AFF2: variants seen among roughly 807,000 people sequenced by gnomAD.
AFF2 encodes the protein ALF transcription elongation factor 2, also known as AF4/FMR2 family member 2.
A neutral mutation model predicts 76.9 loss-of-function variants in AFF2; 14 were observed. That is an observed-to-expected ratio of 0.18 (90% CI 0.12 to 0.28). The LOEUF is 0.28. AFF2 is among the 10% of genes least tolerant of loss of function. AFF2 has a pLI of 1.00. For missense variants in AFF2, 868 were observed against 1,001.1 expected (o/e 0.87, Z 1.79); for synonymous variants, 398 against 366.7 (o/e 1.09, Z -0.98).
intron 1 of AFF2, among the ~76,000 whole-genome samples, chrX:148,514,487 T>C (rs1304324529): frequency 8.9e-6 from 1 of 112,647 alleles, no homozygotes; most frequent in Non-Finnish European, 1.9e-5. Context: ...AGTTCTGATA[T>C]GGCTTTATTC....
intron 3 of AFF2, among the ~76,000 whole-genome samples, chrX:148,769,192 G>A (rs1323225162): frequency 2.7e-5 from 3 of 111,444 alleles, no homozygotes; most frequent in African/African-American, 9.8e-5. Flanking sequence ...AAGTACATTA[G>A]AATTTTTATT....
chrX:148,866,883 G>A (rs1234943849), intron 7 of AFF2, among the ~76,000 whole-genome samples: 1 of 112,071 alleles, frequency 8.9e-6, no homozygotes, highest in Non-Finnish European at 1.9e-5. Flanking sequence ...TGAAGAGCTG[G>A]AGAGGCTCTT....
chrX:148,783,459 A>C (rs2069770770), intron 3 of AFF2, among the ~76,000 whole-genome samples: 1 of 112,085 alleles, frequency 8.9e-6, no homozygotes, highest in Admixed American at 9.4e-5. Flanking sequence ...TACAAGTGTT[A>C]ATCTCCTTTT....
At chrX:148,879,733 G>A (rs782672608) in intron 7 of AFF2, among the ~76,000 whole-genome samples, 7 of 105,458 alleles carry the variant, frequency 6.6e-5, no homozygotes, top group East Asian at 6.1e-4. Context: ...TTTATGTGTC[G>A]TGAAATATTA....
chrX:148,893,733 C>CCA lies in AFF2; in HGVS notation c.1359+7751_1359+7752dup, dbSNP rs782819151. On this transcript the variant is annotated intron_variant, in intron 8 of 20. Transcript: ENST00000370460. Reference sequence around the variant, plus strand: ...TAATGCTCATATGTGACAGGGATGACCACAGCCTTTTCACCCACAAAGAGC... The same window carrying CCA: ...TAATGCTCATATGTGACAGGGATGACCACACAGCCTTTTCACCCACAAAGAGC... Among the ~76,000 whole-genome samples the CCA allele has an allele frequency of 9.7e-4, 108 of 111,898 alleles. No homozygotes were observed. In the East Asian group the frequency reaches 0.016, roughly 16 times the overall value.
At chrX:148,676,693 T>C (rs1245729442) in intron 3 of AFF2, among the ~76,000 whole-genome samples, 1 of 111,826 alleles carries the variant, frequency 8.9e-6, no homozygotes, top group African/African-American at 3.3e-5. Flanking sequence ...TCTTGGAGTA[T>C]GATTGGAAGT....
At chrX:148,975,716 G>A (rs900716038) in intron 16 of AFF2, among the ~76,000 whole-genome samples, 15 of 107,331 alleles carry the variant, frequency 1.4e-4, no homozygotes, top group Admixed American at 3.1e-4. Context: ...AGGCCGAGGC[G>A]GGCGGATCAC....
intron 3 of AFF2, among the ~76,000 whole-genome samples, chrX:148,677,627 C>T (rs1012242176): frequency 2.7e-5 from 3 of 112,005 alleles, no homozygotes; most frequent in Non-Finnish European, 5.6e-5. Context: ...AACACATTAC[C>T]AGTTGAATTT....
At chrX:148,781,746 T>C (rs782056603) in intron 3 of AFF2, among the ~76,000 whole-genome samples, 15 of 111,098 alleles carry the variant, frequency 1.4e-4, no homozygotes, top group Non-Finnish European at 2.6e-4. Context: ...CACTGGGATA[T>C]GAAGAAAAAG....
intron 1 of AFF2, among the ~76,000 whole-genome samples, chrX:148,554,880 G>T (rs1470417243): frequency 8.9e-6 from 1 of 112,418 alleles, no homozygotes; most frequent in East Asian, 2.8e-4. Context: ...TGCCCAAGAC[G>T]CTGGCAGAGT....
intron 1 of AFF2, among the ~76,000 whole-genome samples, chrX:148,507,529 C>A (rs1334452865): frequency 3.6e-5 from 4 of 111,725 alleles, no homozygotes; most frequent in African/African-American, 9.8e-5. Context: ...ATTCCTCCAG[C>A]TTTCCTTGAG....
At chrX:148,663,355 G>A (rs1557258087) in intron 3 of AFF2, among the ~76,000 whole-genome samples, 2 of 112,038 alleles carry the variant, frequency 1.8e-5, no homozygotes, top group African/African-American at 6.5e-5. Context: ...TTCCTCCACA[G>A]GTATCTACAT....
chrX:148,930,658 C>A (rs996732171), intron 9 of AFF2, among the ~76,000 whole-genome samples: 1 of 112,506 alleles, frequency 8.9e-6, no homozygotes, highest in Non-Finnish European at 1.9e-5. Context: ...TGGTCCCAAA[C>A]CACGTATGTG....
intron 7 of AFF2, among the ~76,000 whole-genome samples, chrX:148,855,660 T>G (rs192727809): frequency 1.1e-3 from 119 of 112,232 alleles, no homozygotes; most frequent in African/African-American, 3.1e-3. Flanking sequence ...TGTGCTCATA[T>G]GTATGTGGCT....
At chrX:148,539,134 C>A (rs1357968620) in intron 1 of AFF2, among the ~76,000 whole-genome samples, 1 of 111,744 alleles carries the variant, frequency 8.9e-6, no homozygotes, top group Non-Finnish European at 1.9e-5. Context: ...TTTGGGCAAG[C>A]TTTAAATGTA....
At chrX:148,534,070 C>T (rs1049050905) in intron 1 of AFF2, among the ~76,000 whole-genome samples, 57 of 112,214 alleles carry the variant, frequency 5.1e-4, no homozygotes, top group Middle Eastern at 4.6e-3. Flanking sequence ...AGTTTTAAAG[C>T]AAGGTCTGTG....
chrX:148,839,807 C>T (rs1388365217), intron 5 of AFF2, among the ~76,000 whole-genome samples: 2 of 109,956 alleles, frequency 1.8e-5, no homozygotes, highest in Non-Finnish European at 3.8e-5. Flanking sequence ...TTCCCAGCTG[C>T]TTTTAATCCT....
At chrX:148,529,677 G>C (rs1383581566) in intron 1 of AFF2, among the ~76,000 whole-genome samples, 1 of 111,640 alleles carries the variant, frequency 9.0e-6, no homozygotes, top group African/African-American at 3.3e-5. Flanking sequence ...ATTATTCTGA[G>C]GGTAGGAGTA....
chrX:148,542,855 T>C (rs1182791323), intron 1 of AFF2, among the ~76,000 whole-genome samples: 1 of 112,119 alleles, frequency 8.9e-6, no homozygotes, highest in Admixed American at 9.4e-5. Context: ...CATTGAGCAG[T>C]CTATCTTTTG....
Sources: allele counts gnomAD v4.1 joint callset (sites outside exome capture counted in the v4.1 genomes callset), GRCh38; gene constraint gnomAD v4.1.1; transcripts MANE v1.5; gene names NCBI Gene and HGNC (gene_info 2026-07-23, HGNC 2026-07-21).